Variants in EML4 observed in about 807,000 individuals in gnomAD.
EML4 encodes the protein echinoderm microtubule-associated protein-like 4.
In EML4, 72 loss-of-function variants were observed where a neutral mutation model predicts 129.0. The ratio of observed to expected loss-of-function variants is 0.56; its 90% CI spans 0.46 to 0.68. The LOEUF is 0.68. Among genes scored for constraint, EML4 ranks in the 30% least tolerant of loss-of-function variants. The probability of loss-of-function intolerance (pLI) is 0.00; values close to 1 mark genes in which losing one functional copy is unlikely to be tolerated. For missense variants in EML4, 1,363 were observed against 1,190.6 expected (o/e 1.14, Z -2.13); for synonymous variants, 532 against 405.0 (o/e 1.31, Z -3.77).
In EML4 at chr2:42,317,292, G is replaced by T. The variant is rs911792969; in HGVS notation, c.2057-135G>T. On this transcript the variant is annotated intron_variant, in intron 18 of 22. Coordinates refer to ENST00000318522, the MANE Select transcript of EML4 (RefSeq NM_019063.5). ...ACCATTTATTTTTCAAATGTACTTAGTGGATAGGATTCATTCATTAATTGC... is the reference window on the plus strand; with the variant it reads ...ACCATTTATTTTTCAAATGTACTTATTGGATAGGATTCATTCATTAATTGC... 3.2e-5 allele frequency: 19 copies of T among 598,358 alleles called. No homozygotes were observed. In the Admixed American group the frequency reaches 4.2e-4, roughly 13 times the overall value. The allele number at this position is 598,358 out of a possible 1,614,324, so 37.1% of individuals were successfully genotyped here. A position where few individuals can be genotyped will look rare whatever the true frequency, so the allele number is the denominator to read the frequency against.
chr2:42,247,019 G>A (rs1050486520), intron 2 of EML4, among the ~76,000 whole-genome samples: 1 of 152,200 alleles, frequency 6.6e-6, no homozygotes, highest in African/African-American at 2.4e-5. Flanking sequence ...TCACCTGAGT[G>A]GAAGACGGTG....
chr2:42,277,340 G>A (rs1666711252), intron 6 of EML4, among the ~76,000 whole-genome samples: 1 of 152,180 alleles, frequency 6.6e-6, no homozygotes, highest in South Asian at 2.1e-4. Flanking sequence ...GACTGCAGAA[G>A]TAGGGAATAT....
intron 21 of EML4, among the ~76,000 whole-genome samples, chr2:42,328,525 A>C (rs1284797760): frequency 6.6e-6 from 1 of 152,232 alleles, no homozygotes; most frequent in Non-Finnish European, 1.5e-5. Context: ...TGTCTATACA[A>C]GTAACTGATT....
intron 3 of EML4, among the ~76,000 whole-genome samples, chr2:42,257,665 C>T (rs1676247263): frequency 6.6e-6 from 1 of 152,114 alleles, no homozygotes; most frequent in East Asian, 1.9e-4. Flanking sequence ...GAAACCCCGT[C>T]TCTACTAAAA....
At chr2:42,256,390 C>A in intron 2 of EML4, 111 bp from the exon 3 acceptor site, 1 of 1,025,308 alleles carries the variant, frequency 9.8e-7, no homozygotes, top group South Asian at 1.8e-5. Context: ...CAATAATATA[C>A]TTAATTTTTT....
At chr2:42,174,055 A>G (rs1670431344) in intron 1 of EML4, among the ~76,000 whole-genome samples, 1 of 152,182 alleles carries the variant, frequency 6.6e-6, no homozygotes. Flanking sequence ...AGCAGTTTAA[A>G]TTCTAGGGAG....
chr2:42,214,198 A>C (rs1362731537), intron 1 of EML4, among the ~76,000 whole-genome samples: 1 of 152,240 alleles, frequency 6.6e-6, no homozygotes, highest in Non-Finnish European at 1.5e-5. Context: ...AAGATGTCAG[A>C]TAGTGGATTC....
At chr2:42,282,409 C>T (rs1188168603) in intron 7 of EML4, among the ~76,000 whole-genome samples, 1 of 147,486 alleles carries the variant, frequency 6.8e-6, no homozygotes, top group Non-Finnish European at 1.5e-5. Flanking sequence ...TGGGGGTGGG[C>T]GGCAACAGGG....
chr2:42,177,102 C>G (rs941130184), intron 1 of EML4, among the ~76,000 whole-genome samples: 3 of 152,078 alleles, frequency 2.0e-5, no homozygotes, highest in African/African-American at 7.2e-5. Flanking sequence ...TTATAAACCT[C>G]TTGAAGGCTG....
In EML4 at chr2:42,263,332, A is replaced by G. The variant is rs181738370; in HGVS notation, c.641+26A>G. The G allele has an allele frequency of 3.9e-3, 6,160 of 1,576,322 alleles. 18 individuals are homozygous for G. Among genetic ancestry groups the G allele is most frequent in the Non-Finnish European group, 4.6e-3 (5,332 of 1,159,436 alleles). On this transcript the variant is annotated intron_variant, in intron 5 of 22. Transcript: ENST00000318522. ...GTAAGTATTGCACTTTCTTCATTAT[A>G]TCTGAAAAGTAATAATTATTTGGCT... is the stretch of plus-strand genomic sequence containing the variant.
At chr2:42,252,593 A>C (rs956994384) in intron 2 of EML4, among the ~76,000 whole-genome samples, 5 of 152,076 alleles carry the variant, frequency 3.3e-5, no homozygotes, top group African/African-American at 1.2e-4. Flanking sequence ...TCTGTGAACT[A>C]TCCCCTCTTT....
chr2:42,302,562 C>T (rs1180627696), intron 14 of EML4, among the ~76,000 whole-genome samples: 5 of 148,116 alleles, frequency 3.4e-5, no homozygotes, highest in African/African-American at 1.3e-4. Context: ...GAGACAGAGT[C>T]TTGCTCTGTC....
rs1572775786 is a variant in EML4 at position 42,331,909 on chromosome 2, A to G, written c.*1702A>G. ...GATCTCTATGTGTATAGGTATCTGT[A>G]TATCTTTCCTTTTGTTTACAACTGT... is the stretch of plus-strand genomic sequence containing the variant. On this transcript the variant is annotated 3_prime_UTR_variant, in exon 23 of 23. Transcript: ENST00000318522. 2 of 217,324 alleles carry G rather than the reference A, an allele frequency of 9.2e-6. No homozygotes were observed. The highest frequency in any genetic ancestry group is 1.9e-4 in the South Asian group (1 of 5,336). 13.5% of individuals were successfully genotyped at this position (217,324 alleles called of 1,614,324 possible). A position where few individuals can be genotyped will look rare whatever the true frequency, so the allele number is the denominator to read the frequency against.
intron 5 of EML4, 78 bp from the exon 6 acceptor site, chr2:42,264,628 T>C (rs1272076287): frequency 2.4e-6 from 2 of 822,100 alleles, no homozygotes; most frequent in East Asian, 2.6e-5. Flanking sequence ...TTAAAACTTT[T>C]ACAGTTTCTT....
At chr2:42,231,566 GA>G (rs768542394) in intron 1 of EML4, among the ~76,000 whole-genome samples, 1 of 152,092 alleles carries the variant, frequency 6.6e-6, no homozygotes, top group Non-Finnish European at 1.5e-5. Flanking sequence ...CATCCAAATA[GA>G]AAAACAGGGA....
chr2:42,236,290 G>A lies in EML4; in HGVS notation c.26-9215G>A, dbSNP rs113096621. On this transcript the variant is annotated intron_variant, in intron 1 of 22. Coordinates refer to ENST00000318522, the MANE Select transcript of EML4 (RefSeq NM_019063.5). ...ACTTTTACTATTCTGATATTCTGTTGGTTGTTAATATCACAATTTACCCGT... is the reference window on the plus strand; with the variant it reads ...ACTTTTACTATTCTGATATTCTGTTAGTTGTTAATATCACAATTTACCCGT... Among the ~76,000 whole-genome samples the A allele has an allele frequency of 2.8e-4, 42 of 152,228 alleles. 1 individual carries two copies. The highest frequency in any genetic ancestry group is 2.3e-3 in the Admixed American group (35 of 15,284).
chr2:42,234,591 T>C (rs1352926928), intron 1 of EML4, among the ~76,000 whole-genome samples: 1 of 152,208 alleles, frequency 6.6e-6, no homozygotes, highest in Non-Finnish European at 1.5e-5. Context: ...TGTAAATATA[T>C]GTGTCAGTAA....
At chr2:42,280,583 A>T (rs979726121) in intron 6 of EML4, among the ~76,000 whole-genome samples, 1 of 152,252 alleles carries the variant, frequency 6.6e-6, no homozygotes, top group African/African-American at 2.4e-5. Flanking sequence ...GAGATGATTC[A>T]AAATATACAG....
chr2:42,302,487 C>T (rs1668339756), intron 14 of EML4, among the ~76,000 whole-genome samples: 2 of 152,026 alleles, frequency 1.3e-5, no homozygotes, highest in Non-Finnish European at 2.9e-5. Context: ...AGTAACAAAA[C>T]CCGACCACAT....
Sources: gnomAD v4.1 joint callset for allele counts (sites outside exome capture counted in the v4.1 genomes callset) on GRCh38, gnomAD v4.1.1 for gene constraint, MANE v1.5 for transcripts, NCBI Gene and HGNC (gene_info 2026-07-23, HGNC 2026-07-21) for gene names.